SRGAP3: variants seen among roughly 807,000 people sequenced by gnomAD.
SRGAP3 encodes SLIT-ROBO Rho GTPase activating protein 3.
Under a neutral mutation model 121.1 loss-of-function variants are expected in SRGAP3, and 39 were observed. That is an observed-to-expected ratio of 0.32 (90% CI 0.25 to 0.42). The LOEUF is 0.42. Among genes scored for constraint, SRGAP3 ranks in the 10% least tolerant of loss-of-function variants. The pLI, the probability that SRGAP3 is intolerant of heterozygous loss-of-function variation, is 1.00. For missense variants in SRGAP3, 1,213 were observed against 1,470.6 expected, an observed-to-expected ratio of 0.82 and a Z score of 2.86; for synonymous variants, 601 against 570.0, an observed-to-expected ratio of 1.05 and a Z score of -0.77.
At chr3:9,265,150 TTGGAAAAAC>T (rs1454047692) in intron 3 of SRGAP3, among the ~76,000 whole-genome samples, 2 of 151,998 alleles carry the variant, frequency 1.3e-5, no homozygotes, top group African/African-American at 4.8e-5. Flanking sequence ...ATAAATGGTG[TTGGAAAAAC>T]TGGCTAGCCA....
intron 10 of SRGAP3, among the ~76,000 whole-genome samples, chr3:9,043,780 G>C (rs1217384927): frequency 2.6e-5 from 4 of 152,024 alleles, no homozygotes; most frequent in Non-Finnish European, 5.9e-5. Flanking sequence ...CTCTGTGATG[G>C]GCAATTAAAG....
At chr3:9,332,993 C>T (rs192946643) in intron 1 of SRGAP3, among the ~76,000 whole-genome samples, 3 of 152,272 alleles carry the variant, frequency 2.0e-5, no homozygotes, top group East Asian at 3.9e-4. Context: ...ATAGGTCATT[C>T]CTTAACAACA....
chr3:9,203,701 T>TACATACAATATTGCCCACCTCA (rs1180502748), intron 1 of SRGAP3, among the ~76,000 whole-genome samples: 1 of 152,258 alleles, frequency 6.6e-6, no homozygotes, highest in East Asian at 1.9e-4. Context: ...TGTATGCCCC[T>TACATACAATATTGCCCACCTCA]GTGCCCACCT....
At position 9,149,903 on chromosome 3, in the gene SRGAP3, A is replaced by G. The variant is rs543379798; in HGVS notation, c.68-24986T>C. Reference sequence around the variant, plus strand: ...CCCCATCTATTCATGCACCCCATCCAGCCAGCCATGGCTCCATCCATTCAT... The same window carrying G: ...CCCCATCTATTCATGCACCCCATCCGGCCAGCCATGGCTCCATCCATTCAT... On this transcript the variant is annotated intron_variant, in intron 1 of 21. Coordinates refer to ENST00000383836, the MANE Select transcript of SRGAP3 (RefSeq NM_014850.4). 2.8e-4 allele frequency among the ~76,000 whole-genome samples: 43 copies of G among 152,306 alleles called. No individual in the cohort carries two copies. The South Asian group carries it at 6.8e-3, about 24-fold the overall frequency.
In SRGAP3 at chr3:9,056,108, C is replaced by T. The variant is rs112733309; in HGVS notation, c.1125+125G>A. 3.2e-3 allele frequency: 2,641 copies of T among 818,088 alleles called. 46 individuals carry two copies. In the African/African-American group the frequency reaches 0.037, roughly 11 times the overall value. 50.7% of individuals were successfully genotyped at this position (818,088 alleles called of 1,614,324 possible). On this transcript the variant is annotated intron_variant, in intron 8 of 21. Coordinates refer to ENST00000383836, the MANE Select transcript of SRGAP3 (RefSeq NM_014850.4). ...TCTTGGTGTGTGTGGTTTTAATGATCGTGTACTATTCCATCTTATAAGTGG... is the reference window on the plus strand; with the variant it reads ...TCTTGGTGTGTGTGGTTTTAATGATTGTGTACTATTCCATCTTATAAGTGG...
intron 11 of SRGAP3, chr3:9,037,842 C>T (rs1944830295): frequency 1.6e-6 from 1 of 617,828 alleles, no homozygotes; most frequent in Non-Finnish European, 2.8e-6. Context: ...CCCAAAAGCG[C>T]CCCTTCCATC....
At chr3:9,118,866 A>G (rs1315329613) in intron 2 of SRGAP3, among the ~76,000 whole-genome samples, 2 of 152,242 alleles carry the variant, frequency 1.3e-5, no homozygotes, top group African/African-American at 2.4e-5. Context: ...CAGGCACATG[A>G]GCGAGTGACA....
At chr3:9,041,294 G>C (rs1945001072) in intron 10 of SRGAP3, among the ~76,000 whole-genome samples, 1 of 152,250 alleles carries the variant, frequency 6.6e-6, no homozygotes, top group Non-Finnish European at 1.5e-5. Flanking sequence ...AACACAAGGT[G>C]AGGGAGAACA....
At chr3:9,024,561 G>C (rs1290639697) in intron 14 of SRGAP3, among the ~76,000 whole-genome samples, 3 of 152,084 alleles carry the variant, frequency 2.0e-5, no homozygotes, top group Non-Finnish European at 4.4e-5. Flanking sequence ...TTCCTATCAG[G>C]GATTCTGAGG....
At chr3:9,101,393 G>A (rs562488234) in intron 3 of SRGAP3, among the ~76,000 whole-genome samples, 10 of 152,346 alleles carry the variant, frequency 6.6e-5, no homozygotes, top group African/African-American at 2.4e-4. Context: ...TCCCGGCCTG[G>A]CGAGGCAGAG....
intron 3 of SRGAP3, among the ~76,000 whole-genome samples, chr3:9,279,600 A>C (rs1559257203): frequency 1.4e-5 from 2 of 147,786 alleles, no homozygotes. Context: ...AGCCACCTCA[A>C]CCTCCCGGGT....
chr3:9,085,023 G>A (rs763663781), intron 3 of SRGAP3, among the ~76,000 whole-genome samples: 52 of 152,156 alleles, frequency 3.4e-4, no homozygotes, highest in Non-Finnish European at 6.8e-4. Flanking sequence ...TGTAAAATGA[G>A]CACCTTGTTA....
chr3:9,043,305 C>T (rs1310115096), intron 10 of SRGAP3, among the ~76,000 whole-genome samples: 1 of 152,142 alleles, frequency 6.6e-6, no homozygotes, highest in Non-Finnish European at 1.5e-5. Flanking sequence ...AGGGCCACCA[C>T]CACACCGGGC....
At chr3:9,201,329 G>A (rs144342317) in intron 1 of SRGAP3, among the ~76,000 whole-genome samples, 2 of 152,302 alleles carry the variant, frequency 1.3e-5, no homozygotes, top group African/African-American at 4.8e-5. Context: ...ACCCAGTGTT[G>A]AAGCCCAGGT....
At chr3:9,264,885 A>G (rs1394265527) in intron 3 of SRGAP3, among the ~76,000 whole-genome samples, 2 of 151,884 alleles carry the variant, frequency 1.3e-5, no homozygotes, top group Non-Finnish European at 2.9e-5. Context: ...TAAATTTCAT[A>G]TGAAACCAAA....
intron 1 of SRGAP3, among the ~76,000 whole-genome samples, chr3:9,245,499 T>C (rs1953787070): frequency 6.6e-6 from 1 of 152,166 alleles, no homozygotes; most frequent in Non-Finnish European, 1.5e-5. Flanking sequence ...AGGGGTTATA[T>C]TCCCAGGCTC....
At chr3:9,256,251 A>G (rs1954130703) in intron 3 of SRGAP3, among the ~76,000 whole-genome samples, 1 of 152,222 alleles carries the variant, frequency 6.6e-6, no homozygotes. Flanking sequence ...TGTGTGTCCA[A>G]GGACTGGACA....
intron 21 of SRGAP3, among the ~76,000 whole-genome samples, chr3:8,988,856 T>C (rs1277843608): frequency 6.6e-6 from 1 of 152,150 alleles, no homozygotes; most frequent in Admixed American, 6.5e-5. Context: ...GTTCACGGCC[T>C]GTGAAGATCT....
chr3:9,196,635 T>C (rs529478968), intron 1 of SRGAP3, among the ~76,000 whole-genome samples: 1 of 152,364 alleles, frequency 6.6e-6, no homozygotes, highest in East Asian at 1.9e-4. Flanking sequence ...ATGCTGACTT[T>C]TTATTTGCAG....
Sources: allele counts gnomAD v4.1 joint callset (sites outside exome capture counted in the v4.1 genomes callset), GRCh38; gene constraint gnomAD v4.1.1; transcripts MANE v1.5; gene names NCBI Gene and HGNC (gene_info 2026-07-23, HGNC 2026-07-21).